Variants in CERT1 observed in about 807,000 individuals in gnomAD.
The protein encoded by CERT1 is ceramide transfer protein.
CERT1 carries 31 observed loss-of-function variants against 87.9 expected under a neutral mutation model. That is an observed-to-expected ratio of 0.35 (90% CI 0.27 to 0.48). The LOEUF is 0.48. Ranked by LOEUF, CERT1 falls within the 20% of genes least tolerant of loss-of-function variation. CERT1 has a pLI of 0.99. For missense variants in CERT1, 487 were observed against 758.0 expected, an observed-to-expected ratio of 0.64 and a Z score of 4.20; for synonymous variants, 289 against 250.9, an observed-to-expected ratio of 1.15 and a Z score of -1.44.
intron 3 of CERT1, among the ~76,000 whole-genome samples, chr5:75,428,011 G>A (rs1447528397): frequency 6.6e-5 from 10 of 152,018 alleles, no homozygotes; most frequent in African/African-American, 2.4e-4. Context: ...TATACAATGT[G>A]TTATAGAAAA....
chr5:75,501,525 T>C (rs1242826768), intron 2 of CERT1, among the ~76,000 whole-genome samples: 1 of 152,226 alleles, frequency 6.6e-6, no homozygotes, highest in African/African-American at 2.4e-5. Flanking sequence ...CAAAAATCTC[T>C]ACCTGTTTTA....
At chr5:75,502,870 T>C (rs1767444734) in intron 2 of CERT1, among the ~76,000 whole-genome samples, 1 of 152,130 alleles carries the variant, frequency 6.6e-6, no homozygotes, top group South Asian at 2.1e-4. Context: ...CGGCAAATTT[T>C]GTAGCAGGGG....
At position 75,468,711 on chromosome 5, in the gene CERT1, T is replaced by C. The variant is rs149012314; in HGVS notation, c.232-9530A>G. Among the ~76,000 whole-genome samples the C allele has an allele frequency of 2.1e-3, 314 of 152,246 alleles. 1 individual carries two copies. The East Asian group carries it at 0.027, about 13-fold the overall frequency. ...TTCTAGTCTATTGTTATACTGACCA[T>C]GGTAATTCTGGGTACAGAAAGCCTA... On this transcript the variant is annotated intron_variant, in intron 2 of 16. Transcript: ENST00000643780.
chr5:75,429,831 A>G (rs1193329600), intron 3 of CERT1, among the ~76,000 whole-genome samples: 2 of 143,908 alleles, frequency 1.4e-5, no homozygotes, highest in African/African-American at 5.4e-5. Context: ...TCATCCAAAT[A>G]TAAGAAAAAA....
At chr5:75,500,686 C>T (rs1767317034) in intron 2 of CERT1, among the ~76,000 whole-genome samples, 1 of 152,142 alleles carries the variant, frequency 6.6e-6, no homozygotes, top group Admixed American at 6.5e-5. Flanking sequence ...CCTCTCTTTC[C>T]TTTAGTTCTC....
At chr5:75,491,095 T>C (rs1318272913) in intron 2 of CERT1, among the ~76,000 whole-genome samples, 1 of 152,178 alleles carries the variant, frequency 6.6e-6, no homozygotes, top group Non-Finnish European at 1.5e-5. Flanking sequence ...GTATGAATTT[T>C]TCCCTAATTT....
intron 5 of CERT1, 29 bp from the exon 6 acceptor site, chr5:75,419,453 G>A (rs529688372): frequency 4.9e-6 from 7 of 1,437,126 alleles, no homozygotes; most frequent in African/African-American, 2.8e-5. Flanking sequence ...AGGAAATTAG[G>A]ATGAAAAGAA....
At position 75,389,707 on chromosome 5, in the gene CERT1, G is replaced by A; in HGVS notation, c.1189-20C>T. On this transcript the variant is annotated intron_variant, in intron 11 of 16. Transcript: ENST00000643780. ...TTCAACCTTGAGAAGGGAGGAAAAAGGCATGAGAATCCAAAAGGTATGTCA... is the reference window on the plus strand; with the variant it reads ...TTCAACCTTGAGAAGGGAGGAAAAAAGCATGAGAATCCAAAAGGTATGTCA... 6.3e-7 allele frequency: 1 copy of A among 1,577,038 alleles called. No homozygotes were observed. The highest frequency in any genetic ancestry group is 2.2e-5 in the East Asian group (1 of 44,684).
chr5:75,389,663 T>G lies in CERT1; in HGVS notation c.1213A>C (p.Met405Leu). The G allele has an allele frequency of 6.2e-7, 1 of 1,614,066 alleles. No individual in the cohort carries two copies. Among genetic ancestry groups the G allele is most frequent in the Non-Finnish European group, 8.5e-7 (1 of 1,179,952 alleles). ...SQVEEMVQNH[M>L]TYSLQDVGGD... ...CCTACATCCTGTAATGAGTAAGTCA[T>G]GTGGTTCTGCACCATCTCTTCAACC... Residue 405 changes from methionine (M) to leucine (L), a missense_variant, in exon 12 of 17, where the codon ATG (methionine) becomes CTG (leucine). Transcript: ENST00000643780.
intron 9 of CERT1, 170 bp from the exon 10 acceptor site, chr5:75,400,467 C>T (rs1762424471): frequency 1.9e-6 from 1 of 532,000 alleles, no homozygotes; most frequent in Non-Finnish European, 3.4e-6. Flanking sequence ...TGATACTTGC[C>T]TCAGATATCC....
intron 14 of CERT1, 102 bp from the exon 15 acceptor site, chr5:75,382,179 A>G: frequency 9.2e-7 from 1 of 1,082,204 alleles, no homozygotes; most frequent in Non-Finnish European, 1.3e-6. Context: ...AATCTCTCAA[A>G]TTTTAAATGG....
At chr5:75,380,789 A>AC (rs1296420971) in intron 16 of CERT1, among the ~76,000 whole-genome samples, 1 of 151,562 alleles carries the variant, frequency 6.6e-6, no homozygotes, top group East Asian at 1.9e-4. Context: ...AAAAAAAAAA[A>AC]AAAAAAAAAA....
intron 3 of CERT1, among the ~76,000 whole-genome samples, chr5:75,452,981 T>G (rs1328647265): frequency 6.6e-6 from 1 of 152,212 alleles, no homozygotes; most frequent in African/African-American, 2.4e-5. Context: ...ATGTTATAAA[T>G]TGAAATATAA....
At chr5:75,460,912 A>G (rs1004430559) in intron 2 of CERT1, among the ~76,000 whole-genome samples, 1 of 152,266 alleles carries the variant, frequency 6.6e-6, no homozygotes, top group African/African-American at 2.4e-5. Flanking sequence ...TAATAAACCT[A>G]CAAATGAGAA....
rs1349493458 is a variant in CERT1 at position 75,378,643 on chromosome 5, GT to G, written c.*702del. 6.6e-6 allele frequency: 1 copy of G among 152,086 alleles called. No individual in the cohort carries two copies. The highest frequency in any genetic ancestry group is 1.5e-5 in the Non-Finnish European group (1 of 68,020). 9.4% of individuals were successfully genotyped at this position (152,086 alleles called of 1,614,324 possible). A position where few individuals can be genotyped will look rare whatever the true frequency, so the allele number is the denominator to read the frequency against. ...AGATACATTGTTAAGTGAAAAAAAGGTTATAAAACAAGAATTTTGTATAATA... is the reference window on the plus strand; with the variant it reads ...AGATACATTGTTAAGTGAAAAAAAGGTATAAAACAAGAATTTTGTATAATA... On this transcript the variant is annotated 3_prime_UTR_variant, in exon 17 of 17. Transcript: ENST00000643780.
intron 9 of CERT1, chr5:75,400,511 CTA>C (rs1762425986): frequency 2.1e-6 from 1 of 468,942 alleles, no homozygotes; most frequent in Admixed American, 3.6e-5. Flanking sequence ...TCCACAGATA[CTA>C]TGTTAGGCAA....
intron 8 of CERT1, among the ~76,000 whole-genome samples, chr5:75,406,178 T>A (rs1762699630): frequency 6.6e-6 from 1 of 152,256 alleles, no homozygotes; most frequent in South Asian, 2.1e-4. Flanking sequence ...GTCAGTCTCT[T>A]AACCATTCTT....
At chr5:75,446,973 T>G (rs891877303) in intron 3 of CERT1, among the ~76,000 whole-genome samples, 5 of 152,182 alleles carry the variant, frequency 3.3e-5, no homozygotes, top group African/African-American at 1.2e-4. Context: ...TTTCTGCACC[T>G]CTGTGATAAG....
intron 3 of CERT1, among the ~76,000 whole-genome samples, chr5:75,449,951 C>T (rs1278812987): frequency 6.6e-6 from 1 of 151,984 alleles, no homozygotes; most frequent in Admixed American, 6.6e-5. Context: ...TGTTAAGTTA[C>T]ATCTCTTCAT....
Sources: gnomAD v4.1 joint callset for allele counts (sites outside exome capture counted in the v4.1 genomes callset) on GRCh38, gnomAD v4.1.1 for gene constraint, MANE v1.5 for transcripts, NCBI Gene and HGNC (gene_info 2026-07-23, HGNC 2026-07-21) for gene names.